Variants in AKAP19 observed in about 807,000 individuals in gnomAD.
AKAP19 encodes A-kinase anchoring protein 19, also known as small A-kinase anchoring protein.
the AKAP19 span, among the ~76,000 whole-genome samples, chr2:189,962,535 TG>T: frequency 6.6e-6 from 1 of 152,174 alleles, no homozygotes; most frequent in Admixed American, 6.5e-5. Context: ...ACAGATAACG[TG>T]AGTTCTCCTA....
chr2:190,170,208 C>T, the AKAP19 span, among the ~76,000 whole-genome samples: 1 of 152,218 alleles, frequency 6.6e-6, no homozygotes, highest in Non-Finnish European at 1.5e-5. Flanking sequence ...GAGGGCTTCA[C>T]CCTCGTGACC....
At chr2:190,189,401 G>A in the AKAP19 span, among the ~76,000 whole-genome samples, 2 of 152,332 alleles carry the variant, frequency 1.3e-5, no homozygotes, top group African/African-American at 2.4e-5. Flanking sequence ...GCAAGTGGAA[G>A]AGCCAGACCT....
the AKAP19 span, among the ~76,000 whole-genome samples, chr2:189,897,075 A>G: frequency 2.0e-5 from 3 of 152,072 alleles, no homozygotes; most frequent in African/African-American, 7.2e-5. Flanking sequence ...TACTTCCTCT[A>G]TGTTGAATGG....
chr2:189,962,728 A>T, the AKAP19 span, among the ~76,000 whole-genome samples: 1,113 of 152,220 alleles, frequency 7.3e-3, 15 homozygotes, highest in Non-Finnish European at 8.3e-3. Context: ...TACCATGAGG[A>T]TGTATTTGTA....
At chr2:190,035,355 C>T in the AKAP19 span, among the ~76,000 whole-genome samples, 6 of 151,800 alleles carry the variant, frequency 4.0e-5, no homozygotes, top group Middle Eastern at 3.4e-3. Flanking sequence ...TGCTTGAACC[C>T]GGGAGGTGAA....
chr2:190,125,542 C>A, the AKAP19 span, among the ~76,000 whole-genome samples: 1 of 152,108 alleles, frequency 6.6e-6, no homozygotes, highest in Non-Finnish European at 1.5e-5. Context: ...AAGGAACCAG[C>A]CACTCTGTAA....
At chr2:190,173,659 C>G in the AKAP19 span, among the ~76,000 whole-genome samples, 1 of 152,208 alleles carries the variant, frequency 6.6e-6, no homozygotes, top group East Asian at 1.9e-4. Flanking sequence ...ATTTCACAAA[C>G]CAGACCATCG....
At chr2:190,175,396 T>C in the AKAP19 span, among the ~76,000 whole-genome samples, 2 of 152,194 alleles carry the variant, frequency 1.3e-5, no homozygotes, top group Non-Finnish European at 2.9e-5. Flanking sequence ...TGACAGCTTA[T>C]ATAGTTGTAA....
At chr2:190,153,049 C>T in the AKAP19 span, among the ~76,000 whole-genome samples, 22 of 152,218 alleles carry the variant, frequency 1.4e-4, no homozygotes, top group African/African-American at 4.6e-4. Flanking sequence ...GTGTCCACCA[C>T]GACGCCCGGC....
the AKAP19 span, among the ~76,000 whole-genome samples, chr2:189,898,373 T>C: frequency 6.6e-6 from 1 of 152,224 alleles, no homozygotes; most frequent in East Asian, 1.9e-4. Flanking sequence ...GTACAGCTTA[T>C]TGGTGATTTG....
At chr2:190,199,720 G>A in the AKAP19 span, 3 of 1,477,968 alleles carry the variant, frequency 2.0e-6, no homozygotes, top group South Asian at 1.4e-5. Context: ...GTGAAGAGTG[G>A]TGAAAGGGAA....
At chr2:190,035,414 G>C in the AKAP19 span, among the ~76,000 whole-genome samples, 2 of 151,620 alleles carry the variant, frequency 1.3e-5, no homozygotes, top group South Asian at 2.1e-4. Flanking sequence ...CTGGGCAACA[G>C]AGCCAGACTC....
chr2:190,109,960 T>G, the AKAP19 span, among the ~76,000 whole-genome samples: 63 of 152,312 alleles, frequency 4.1e-4, no homozygotes, highest in South Asian at 0.011. Context: ...ACCTGGAATG[T>G]TTACAAAATA....
the AKAP19 span, among the ~76,000 whole-genome samples, chr2:190,069,094 G>A: frequency 2.0e-5 from 3 of 150,220 alleles, no homozygotes; most frequent in African/African-American, 7.4e-5. Context: ...GTAGCCAGAG[G>A]GTAGAAAAGA....
chr2:189,913,446 TAATA>T, the AKAP19 span, among the ~76,000 whole-genome samples: 1 of 152,118 alleles, frequency 6.6e-6, no homozygotes, highest in African/African-American at 2.4e-5. Flanking sequence ...CAAAACACTT[TAATA>T]TATTTTTTAA....
the AKAP19 span, chr2:190,056,137 C>G: frequency 6.6e-6 from 1 of 152,324 alleles, no homozygotes; most frequent in African/African-American, 2.4e-5. Flanking sequence ...AGTTTTAAGA[C>G]CACTATTTAA....
At chr2:190,058,407 A>G in the AKAP19 span, among the ~76,000 whole-genome samples, 1 of 152,058 alleles carries the variant, frequency 6.6e-6, no homozygotes, top group Non-Finnish European at 1.5e-5. Flanking sequence ...TTTTTAACCC[A>G]TATCTAAATG....
the AKAP19 span, among the ~76,000 whole-genome samples, chr2:189,978,674 A>C: frequency 1.3e-5 from 2 of 152,200 alleles, no homozygotes; most frequent in Non-Finnish European, 2.9e-5. Context: ...TTTCTGCATT[A>C]ATTCACTTAG....
At chr2:190,106,482 A>G in the AKAP19 span, among the ~76,000 whole-genome samples, 1 of 152,076 alleles carries the variant, frequency 6.6e-6, no homozygotes, top group Admixed American at 6.6e-5. Flanking sequence ...CGTTTGCCCT[A>G]TCCTACCTCT....
Sources: gnomAD v4.1 joint callset for allele counts (sites outside exome capture counted in the v4.1 genomes callset) on GRCh38, gnomAD v4.1.1 for gene constraint, MANE v1.5 for transcripts, NCBI Gene and HGNC (gene_info 2026-07-23, HGNC 2026-07-21) for gene names.